Variants in ODAD2 observed in about 807,000 individuals in gnomAD.
The protein encoded by ODAD2 is outer dynein arm-docking complex subunit 2.
Under a neutral mutation model 106.8 loss-of-function variants are expected in ODAD2, and 89 were observed. The observed-to-expected ratio is 0.83, with a 90% CI of 0.70 to 0.99. The LOEUF (loss-of-function observed/expected upper bound fraction) is 0.99. ODAD2 is among the 50% of genes least tolerant of loss of function. The pLI is 0.00. For synonymous variants in ODAD2, 404 were observed against 436.2 expected (o/e 0.93, Z 0.92); for missense variants, 1,168 against 1,238.5 (o/e 0.94, Z 0.85).
At chr10:27,929,753 TG>T (rs1202999368) in intron 16 of ODAD2, among the ~76,000 whole-genome samples, 2 of 152,190 alleles carry the variant, frequency 1.3e-5, no homozygotes, top group African/African-American at 4.8e-5. Flanking sequence ...ATCAATGGCT[TG>T]TGTCATTAAA....
intron 7 of ODAD2, among the ~76,000 whole-genome samples, chr10:27,979,603 AAAC>A (rs1010979839): frequency 3.9e-5 from 6 of 152,164 alleles, no homozygotes; most frequent in South Asian, 4.1e-4. Context: ...AAAATTTAGA[AAAC>A]AATTTCATTT....
intron 8 of ODAD2, among the ~76,000 whole-genome samples, chr10:27,969,249 G>T (rs1350826824): frequency 1.3e-5 from 2 of 151,886 alleles, no homozygotes; most frequent in African/African-American, 4.9e-5. Context: ...CTAGGAACAG[G>T]TCTTCACAGG....
intron 16 of ODAD2, among the ~76,000 whole-genome samples, chr10:27,917,270 A>T (rs985053754): frequency 6.6e-6 from 1 of 152,190 alleles, no homozygotes; most frequent in Non-Finnish European, 1.5e-5. Context: ...CAGCACTTGT[A>T]AATAATCCCT....
intron 10 of ODAD2, 47 bp from the exon 11 acceptor site, chr10:27,945,009 C>T (rs774637248): frequency 4.5e-5 from 72 of 1,600,406 alleles, no homozygotes; most frequent in Non-Finnish European, 1.9e-5. Context: ...ACCGCATTCC[C>T]ATAGAAATGC....
intron 19 of ODAD2, among the ~76,000 whole-genome samples, chr10:27,833,577 T>G (rs1564408142): frequency 6.6e-6 from 1 of 152,230 alleles, no homozygotes; most frequent in African/African-American, 2.4e-5. Context: ...ACTTTTTATT[T>G]TGTCTTCACA....
At chr10:27,868,852 A>T (rs548516800) in intron 17 of ODAD2, among the ~76,000 whole-genome samples, 5 of 152,068 alleles carry the variant, frequency 3.3e-5, no homozygotes, top group African/African-American at 1.2e-4. Flanking sequence ...AAAATAAAAT[A>T]AAAATAAATA....
At position 27,841,840 on chromosome 10, in the gene ODAD2, G is replaced by A. The variant is rs189211358; in HGVS notation, c.3021+18785C>T. On this transcript the variant is annotated intron_variant, in intron 19 of 19. Transcript: ENST00000305242. ...TGCATTCACAGCTCACTGCAGCCTC[G>A]ACCTCCCAGGCTAAAGTGATCCTCC... 9.2e-3 allele frequency among the ~76,000 whole-genome samples: 1,393 copies of A among 151,308 alleles called. 4 individuals are homozygous for A. Among genetic ancestry groups the A allele is most frequent in the Non-Finnish European group, 0.014 (942 of 67,786 alleles).
chr10:27,920,328 A>C (rs1444872136), intron 16 of ODAD2, among the ~76,000 whole-genome samples: 1 of 152,204 alleles, frequency 6.6e-6, no homozygotes, highest in African/African-American at 2.4e-5. Flanking sequence ...TATTGTGAAC[A>C]CACATATACA....
At chr10:27,816,895 G>A (rs1019332507) in intron 19 of ODAD2, among the ~76,000 whole-genome samples, 26 of 152,140 alleles carry the variant, frequency 1.7e-4, no homozygotes, top group African/African-American at 4.6e-4. Flanking sequence ...GATTACAGGC[G>A]TGTGGCACCA....
chr10:27,921,054 G>A (rs1844743066), intron 16 of ODAD2, among the ~76,000 whole-genome samples: 1 of 152,072 alleles, frequency 6.6e-6, no homozygotes, highest in African/African-American at 2.4e-5. Flanking sequence ...ACGTGTGGAA[G>A]GAAAATATTT....
chr10:27,854,069 CA>C (rs1839482189), intron 19 of ODAD2, among the ~76,000 whole-genome samples: 1 of 152,042 alleles, frequency 6.6e-6, no homozygotes, highest in African/African-American at 2.4e-5. Flanking sequence ...AAAAAGTGGT[CA>C]AAAATGTGAA....
chr10:27,869,821 C>A (rs781161766), intron 17 of ODAD2, among the ~76,000 whole-genome samples: 2 of 152,080 alleles, frequency 1.3e-5, no homozygotes, highest in Admixed American at 6.6e-5. Context: ...AGGCATGAGC[C>A]ACCATGCCTG....
intron 10 of ODAD2, among the ~76,000 whole-genome samples, chr10:27,950,954 G>A (rs1015694348): frequency 6.6e-6 from 1 of 152,218 alleles, no homozygotes; most frequent in East Asian, 1.9e-4. Context: ...TTTAAAGTGA[G>A]TATTTATACA....
Position 27,862,637 on chromosome 10 carries a change from A to G in ODAD2, c.2611-15T>C, listed in dbSNP as rs1271792151. The G allele has an allele frequency of 6.3e-7, 1 of 1,582,372 alleles. No individual in the cohort carries two copies. Among genetic ancestry groups the G allele is most frequent in the East Asian group, 2.3e-5 (1 of 43,682 alleles). On this transcript the variant is annotated splice_polypyrimidine_tract_variant and intron_variant, in intron 17 of 19. Transcript: ENST00000305242. Reference sequence around the variant, plus strand: ...TCCCCAGCATCCTAGACAAAAATAAAAGTAAAGATGGTATCAAAACTAAAC... The same window carrying G: ...TCCCCAGCATCCTAGACAAAAATAAGAGTAAAGATGGTATCAAAACTAAAC...
At chr10:27,930,255 T>C (rs992318166) in intron 16 of ODAD2, among the ~76,000 whole-genome samples, 13 of 152,152 alleles carry the variant, frequency 8.5e-5, no homozygotes, top group East Asian at 1.9e-4. Context: ...AAACTTTCTA[T>C]GATTTTGACC....
intron 1 of ODAD2, among the ~76,000 whole-genome samples, chr10:27,997,004 A>G (rs1850594170): frequency 6.6e-6 from 1 of 152,240 alleles, no homozygotes; most frequent in Admixed American, 6.5e-5. Context: ...ATTATAATCT[A>G]TGATATTGAT....
intron 2 of ODAD2, among the ~76,000 whole-genome samples, chr10:27,991,311 T>G (rs1030728290): frequency 6.6e-6 from 1 of 151,160 alleles, no homozygotes; most frequent in Non-Finnish European, 1.5e-5. Flanking sequence ...TATAACATGA[T>G]GAAAACACTG....
chr10:27,901,785 A>G (rs761856113), intron 17 of ODAD2, among the ~76,000 whole-genome samples: 1 of 152,256 alleles, frequency 6.6e-6, no homozygotes, highest in Non-Finnish European at 1.5e-5. Flanking sequence ...ATATGCACCC[A>G]GTACAGGAGC....
chr10:27,995,660 C>T (rs543039748), intron 1 of ODAD2: 6 of 153,678 alleles, frequency 3.9e-5, no homozygotes, highest in Admixed American at 3.9e-4. Flanking sequence ...GTGACAATAT[C>T]TGCATCATCA....
Sources: gnomAD v4.1 joint callset for allele counts (sites outside exome capture counted in the v4.1 genomes callset) on GRCh38, gnomAD v4.1.1 for gene constraint, MANE v1.5 for transcripts, NCBI Gene and HGNC (gene_info 2026-07-23, HGNC 2026-07-21) for gene names.